Variants in SLC44A1 observed in about 807,000 individuals in gnomAD.
The protein encoded by SLC44A1 is solute carrier family 44 member 1, also known as choline transporter-like protein 1.
SLC44A1 carries 26 observed loss-of-function variants against 79.3 expected under a neutral mutation model. The ratio of observed to expected loss-of-function variants is 0.33; its 90% CI spans 0.24 to 0.46. SLC44A1 has a LOEUF of 0.46. Among genes scored for constraint, SLC44A1 ranks in the 20% least tolerant of loss-of-function variants. The pLI, the probability that SLC44A1 is intolerant of heterozygous loss-of-function variation, is 1.00. For synonymous variants in SLC44A1, 263 were observed against 286.2 expected, an observed-to-expected ratio of 0.92 and a Z score of 0.82; for missense variants, 688 against 798.1, an observed-to-expected ratio of 0.86 and a Z score of 1.66.
intron 13 of SLC44A1, among the ~76,000 whole-genome samples, chr9:105,376,840 G>T (rs1179913883): frequency 6.6e-6 from 1 of 152,178 alleles, no homozygotes; most frequent in African/African-American, 2.4e-5. Context: ...CCCCTGTAAG[G>T]TGAGCTACTA....
intron 3 of SLC44A1, among the ~76,000 whole-genome samples, chr9:105,330,181 T>G (rs1400984670): frequency 6.6e-6 from 1 of 152,160 alleles, no homozygotes; most frequent in Non-Finnish European, 1.5e-5. Context: ...CATGTACAGG[T>G]AGGGCTTTGT....
At chr9:105,299,133 G>A in intron 1 of SLC44A1, 87 bp from the exon 2 acceptor site, 1 of 893,698 alleles carries the variant, frequency 1.1e-6, no homozygotes, top group African/African-American at 1.7e-5. Context: ...GCAAAGAAGG[G>A]CTCTAGCTAT....
intron 13 of SLC44A1, among the ~76,000 whole-genome samples, chr9:105,379,956 A>G (rs888823710): frequency 6.6e-6 from 1 of 152,204 alleles, no homozygotes; most frequent in African/African-American, 2.4e-5. Context: ...TTACTTATAA[A>G]TGCTATTTTA....
At chr9:105,315,561 A>C (rs943182890) in intron 3 of SLC44A1, among the ~76,000 whole-genome samples, 1 of 152,198 alleles carries the variant, frequency 6.6e-6, no homozygotes, top group African/African-American at 2.4e-5. Flanking sequence ...GGATTGTACC[A>C]ATATGAAAAC....
chr9:105,430,750 G>A (rs1290479200), intron 15 of SLC44A1, among the ~76,000 whole-genome samples: 2 of 152,142 alleles, frequency 1.3e-5, no homozygotes, highest in Admixed American at 1.3e-4. Flanking sequence ...ACAAGTTTTT[G>A]TGCGGACATA....
chr9:105,331,090 C>A (rs1397204597), intron 3 of SLC44A1, among the ~76,000 whole-genome samples: 1 of 152,048 alleles, frequency 6.6e-6, no homozygotes, highest in Non-Finnish European at 1.5e-5. Flanking sequence ...TTTATTTATT[C>A]CTGTTCCTCT....
intron 15 of SLC44A1, among the ~76,000 whole-genome samples, chr9:105,417,043 T>C (rs543739211): frequency 6.6e-6 from 1 of 152,372 alleles, no homozygotes; most frequent in Admixed American, 6.5e-5. Flanking sequence ...TTAGTTTTAA[T>C]GTAGATATTT....
chr9:105,261,429 G>T (rs996781245), intron 1 of SLC44A1, among the ~76,000 whole-genome samples: 2 of 152,150 alleles, frequency 1.3e-5, no homozygotes, highest in African/African-American at 4.8e-5. Flanking sequence ...ACTGGGTAAA[G>T]CTCCAGTCTT....
chr9:105,365,004 A>G (rs771510168), intron 10 of SLC44A1, among the ~76,000 whole-genome samples: 5 of 152,346 alleles, frequency 3.3e-5, no homozygotes, highest in Admixed American at 3.3e-4. Flanking sequence ...GTGGTGCCAT[A>G]TGTACTTTTG....
chr9:105,299,986 A>G (rs918859445), intron 2 of SLC44A1: 1 of 971,012 alleles, frequency 1.0e-6, no homozygotes, highest in African/African-American at 1.8e-5. Context: ...GCCCTACAGG[A>G]GTTTCTGACA....
At chr9:105,378,338 T>C (rs1828358581) in intron 13 of SLC44A1, among the ~76,000 whole-genome samples, 1 of 152,246 alleles carries the variant, frequency 6.6e-6, no homozygotes. Context: ...TCTTGTTTTC[T>C]TAACACTTTT....
intron 1 of SLC44A1, among the ~76,000 whole-genome samples, chr9:105,298,675 A>T (rs911876640): frequency 8.5e-5 from 13 of 152,230 alleles, no homozygotes; most frequent in African/African-American, 3.1e-4. Context: ...TTTGATGGGC[A>T]TCTTTCCTAG....
chr9:105,429,711 T>C (rs1051958172), intron 15 of SLC44A1, among the ~76,000 whole-genome samples: 1 of 152,184 alleles, frequency 6.6e-6, no homozygotes, highest in African/African-American at 2.4e-5. Flanking sequence ...AGATTAATCA[T>C]CATCCAAGAT....
At chr9:105,268,944 T>G (rs1440214351) in intron 1 of SLC44A1, among the ~76,000 whole-genome samples, 1 of 152,226 alleles carries the variant, frequency 6.6e-6, no homozygotes, top group East Asian at 1.9e-4. Flanking sequence ...CACCAAAAGC[T>G]CTTAAGAAAG....
At chr9:105,321,918 C>A (rs1588777035) in intron 3 of SLC44A1, among the ~76,000 whole-genome samples, 1 of 151,622 alleles carries the variant, frequency 6.6e-6, no homozygotes, top group Non-Finnish European at 1.5e-5. Context: ...TAATAAAGTG[C>A]CAGTTAAGAT....
intron 4 of SLC44A1, among the ~76,000 whole-genome samples, chr9:105,336,683 A>G (rs986577130): frequency 5.3e-5 from 8 of 151,816 alleles, no homozygotes; most frequent in Non-Finnish European, 7.4e-5. Context: ...GACAGACAGC[A>G]TGGAACCATA....
chr9:105,430,531 G>A (rs141541702), intron 15 of SLC44A1, among the ~76,000 whole-genome samples: 1 of 152,206 alleles, frequency 6.6e-6, no homozygotes, highest in Non-Finnish European at 1.5e-5. Flanking sequence ...ACAATATGTA[G>A]AATTATTTTT....
chr9:105,399,955 G>T (rs1419353298), downstream of SLC44A1, among the ~76,000 whole-genome samples: 1 of 152,070 alleles, frequency 6.6e-6, no homozygotes. Context: ...CAGCATTTTG[G>T]GTGGCCGACA....
intron 1 of SLC44A1, among the ~76,000 whole-genome samples, chr9:105,251,057 A>C (rs1223093413): frequency 6.6e-6 from 1 of 152,110 alleles, no homozygotes; most frequent in Non-Finnish European, 1.5e-5. Context: ...CTTCAGTTAC[A>C]GTCTGTATGT....
Sources: allele counts gnomAD v4.1 joint callset (sites outside exome capture counted in the v4.1 genomes callset), GRCh38; gene constraint gnomAD v4.1.1; transcripts MANE v1.5; gene names NCBI Gene and HGNC (gene_info 2026-07-23, HGNC 2026-07-21).